The following PALLD variants were observed in gnomAD, a reference collection of about 807,000 sequenced individuals.
PALLD encodes the protein palladin.
PALLD carries 61 observed loss-of-function variants against 123.5 expected under a neutral mutation model. The ratio of observed to expected loss-of-function variants is 0.49; its 90% CI spans 0.40 to 0.61. The LOEUF (loss-of-function observed/expected upper bound fraction) is 0.61, where lower values mean the gene tolerates loss of function less well. Ranked by LOEUF, PALLD falls within the 20% of genes least tolerant of loss-of-function variation. The pLI is 0.00. For synonymous variants in PALLD, 465 were observed against 496.4 expected, an observed-to-expected ratio of 0.94 and a Z score of 0.84; for missense variants, 1,273 against 1,377.0, an observed-to-expected ratio of 0.92 and a Z score of 1.20.
intron 10 of PALLD, chr4:168,877,885 G>A (rs969549240): frequency 4.8e-6 from 7 of 1,444,748 alleles, no homozygotes; most frequent in Non-Finnish European, 3.6e-6. Context: ...CCGCGTCCCC[G>A]GAGCCCATGA....
intron 2 of PALLD, among the ~76,000 whole-genome samples, chr4:168,567,542 G>GGTGTGTGTGTGTGT (rs61409598): frequency 0.074 from 10,795 of 145,432 alleles, 595 homozygotes; most frequent in Non-Finnish European, 0.11. Context: ...AAGAAAATGT[G>GGTGTGTGTGTGTGT]GTGTGTGTGT....
intron 10 of PALLD, among the ~76,000 whole-genome samples, chr4:168,736,898 G>A (rs1489985493): frequency 6.6e-6 from 1 of 152,158 alleles, no homozygotes; most frequent in Non-Finnish European, 1.5e-5. Flanking sequence ...GGAGGGGGAG[G>A]GGAGTGGTTA....
At chr4:168,902,534 C>G (rs1324060549) in intron 14 of PALLD, among the ~76,000 whole-genome samples, 1 of 152,070 alleles carries the variant, frequency 6.6e-6, no homozygotes, top group Non-Finnish European at 1.5e-5. Flanking sequence ...CCCAGCTACT[C>G]TGGAGGCTGA....
chr4:168,633,208 C>T (rs964693424), intron 2 of PALLD, among the ~76,000 whole-genome samples: 1 of 152,126 alleles, frequency 6.6e-6, no homozygotes, highest in South Asian at 2.1e-4. Flanking sequence ...CTGCTGAACC[C>T]AGCAATTTTA....
rs1561504928 is a variant in PALLD at position 168,771,067 on chromosome 4, A to AC, written c.1964+59144_1964+59145insC. On this transcript the variant is annotated intron_variant, in intron 10 of 21. Coordinates refer to ENST00000505667, the MANE Select transcript of PALLD (RefSeq NM_001166108.2). ...AACAGAGCAAGACTCCATCTCAAAA[A>AC]AAAAAAAACAAAAAAAAAACCTTAG... Among the ~76,000 whole-genome samples the AC allele has an allele frequency of 2.1e-3, 144 of 67,564 alleles. 2 individuals carry two copies. In the Middle Eastern group the frequency reaches 0.029, roughly 14 times the overall value. The allele number at this position is 67,564 out of a possible 152,430, so 44.3% of individuals were successfully genotyped here.
chr4:168,813,457 G>A (rs1741459727), intron 10 of PALLD, among the ~76,000 whole-genome samples: 1 of 152,100 alleles, frequency 6.6e-6, no homozygotes, highest in Non-Finnish European at 1.5e-5. Flanking sequence ...TTGATTGGTT[G>A]ATTGGTTGGT....
At chr4:168,547,945 C>CAAAA (rs33961230) in intron 2 of PALLD, among the ~76,000 whole-genome samples, 1 of 81,156 alleles carries the variant, frequency 1.2e-5, no homozygotes, top group Non-Finnish European at 2.4e-5. Context: ...GACTCCGTCT[C>CAAAA]AAAAAAAAAA....
At chr4:168,622,560 C>G (rs1157862283) in intron 2 of PALLD, among the ~76,000 whole-genome samples, 1 of 152,132 alleles carries the variant, frequency 6.6e-6, no homozygotes, top group Non-Finnish European at 1.5e-5. Flanking sequence ...TGTGGAAACG[C>G]GTATGTTTTC....
intron 2 of PALLD, among the ~76,000 whole-genome samples, chr4:168,593,840 G>GA (rs753127432): frequency 2.6e-5 from 4 of 152,084 alleles, no homozygotes; most frequent in Non-Finnish European, 5.9e-5. Flanking sequence ...TGTTTAAAAT[G>GA]AAAAAATAGA....
intron 10 of PALLD, among the ~76,000 whole-genome samples, chr4:168,748,308 G>T (rs1730581984): frequency 6.6e-6 from 1 of 152,094 alleles, no homozygotes; most frequent in African/African-American, 2.4e-5. Flanking sequence ...AGAAACTCTG[G>T]GGTGGGACCT....
At chr4:168,648,462 G>C (rs923330143) in intron 2 of PALLD, 1 of 152,170 alleles carries the variant, frequency 6.6e-6, no homozygotes, top group Admixed American at 6.5e-5. Context: ...TAATAAGAGA[G>C]AATGCTGTCA....
chr4:168,794,764 G>A (rs74960468), intron 10 of PALLD, among the ~76,000 whole-genome samples: 10,009 of 152,228 alleles, frequency 0.066, 470 homozygotes, highest in Middle Eastern at 0.12. Flanking sequence ...GAATTGCCAT[G>A]TAATATCTTT....
intron 10 of PALLD, chr4:168,755,845 C>T (rs1241494425): frequency 5.4e-6 from 1 of 184,524 alleles, no homozygotes; most frequent in Non-Finnish European, 1.1e-5. Flanking sequence ...ATCAGACTGT[C>T]CACATTCCAG....
rs184510692 is a variant in PALLD at position 168,839,110 on chromosome 4, G to A, written c.1965-51812G>A. Among the ~76,000 whole-genome samples, 69 of 152,014 alleles carry A rather than the reference G, an allele frequency of 4.5e-4. 1 individual carries two copies. The highest frequency in any genetic ancestry group is 8.7e-4 in the Non-Finnish European group (59 of 67,984). On this transcript the variant is annotated intron_variant, in intron 10 of 21. Coordinates refer to ENST00000505667, the MANE Select transcript of PALLD (RefSeq NM_001166108.2). Reference sequence around the variant, plus strand: ...TGGGACTACAGGCATGCGCCACCACGCCCAGCTAATTTTTTGTATTTTTAA... The same window carrying A: ...TGGGACTACAGGCATGCGCCACCACACCCAGCTAATTTTTTGTATTTTTAA...
At chr4:168,761,765 C>T (rs1275265147) in intron 10 of PALLD, among the ~76,000 whole-genome samples, 1 of 150,468 alleles carries the variant, frequency 6.6e-6, no homozygotes, top group East Asian at 2.0e-4. Context: ...ACTGCCTCCG[C>T]CTCCCAAAGT....
intron 10 of PALLD, among the ~76,000 whole-genome samples, chr4:168,723,601 A>AAC (rs1393324883): frequency 2.0e-5 from 3 of 152,200 alleles, no homozygotes; most frequent in Admixed American, 1.3e-4. Flanking sequence ...TTGCACTACG[A>AAC]ACCTCTGGAT....
At chr4:168,802,971 TG>T (rs35433703) in intron 10 of PALLD, among the ~76,000 whole-genome samples, 7,939 of 152,188 alleles carry the variant, frequency 0.052, 713 homozygotes, top group African/African-American at 0.18. Flanking sequence ...GGATTACAGG[TG>T]TAAGCCACTG....
intron 10 of PALLD, among the ~76,000 whole-genome samples, chr4:168,846,880 C>T (rs1581740852): frequency 6.6e-6 from 1 of 152,234 alleles, no homozygotes; most frequent in South Asian, 2.1e-4. Flanking sequence ...ATAAGCAATT[C>T]GCTTACGGTT....
At chr4:168,632,756 A>G (rs978991697) in intron 2 of PALLD, among the ~76,000 whole-genome samples, 2 of 152,240 alleles carry the variant, frequency 1.3e-5, no homozygotes, top group African/African-American at 4.8e-5. Context: ...ACGCTTATAA[A>G]TATTCAATTT....
Sources: allele counts gnomAD v4.1 joint callset (sites outside exome capture counted in the v4.1 genomes callset), GRCh38; gene constraint gnomAD v4.1.1; transcripts MANE v1.5; gene names NCBI Gene and HGNC (gene_info 2026-07-23, HGNC 2026-07-21).